PCDH11X: variants seen among roughly 807,000 people sequenced by gnomAD.
PCDH11X encodes protocadherin 11 X-linked.
PCDH11X carries 18 observed loss-of-function variants against 53.3 expected under a neutral mutation model. The ratio of observed to expected loss-of-function variants is 0.34; its 90% CI spans 0.23 to 0.50. The LOEUF (loss-of-function observed/expected upper bound fraction) is 0.50. PCDH11X is among the 20% of genes least tolerant of loss of function. The pLI is 0.98. For missense variants in PCDH11X, 570 were observed against 1,032.4 expected (o/e 0.55, Z 6.14); for synonymous variants, 279 against 393.3 (o/e 0.71, Z 3.44).
At chrX:92,484,118 AGTATATATATGTATATATGTATGT>A (rs1569494424) in intron 10 of PCDH11X, among the ~76,000 whole-genome samples, 1 of 71,870 alleles carries the variant, frequency 1.4e-5, no homozygotes, top group African/African-American at 4.7e-5. Context: ...GTATATATAT[AGTATATATATGTATATATGTATGT>A]ATATATATGT....
At chrX:92,102,069 T>C (rs143069920) in intron 6 of PCDH11X, among the ~76,000 whole-genome samples, 2,565 of 110,312 alleles carry the variant, frequency 0.023, 76 homozygotes, top group African/African-American at 0.081. Context: ...ATCAGGTGGA[T>C]CAGAGAGATA....
At chrX:92,316,228 T>A (rs1489907957) in intron 8 of PCDH11X, among the ~76,000 whole-genome samples, 1 of 109,154 alleles carries the variant, frequency 9.2e-6, no homozygotes, top group Admixed American at 9.9e-5. Context: ...TATAAAACAA[T>A]ATATTTAATG....
At chrX:91,840,218 C>T (rs1268526609) in intron 5 of PCDH11X, among the ~76,000 whole-genome samples, 6 of 111,533 alleles carry the variant, frequency 5.4e-5, no homozygotes, top group Admixed American at 3.9e-4. Flanking sequence ...TTTTTATTTT[C>T]TGCTTCAAAT....
intron 7 of PCDH11X, among the ~76,000 whole-genome samples, chrX:92,222,034 A>T (rs1169943123): frequency 9.0e-6 from 1 of 111,023 alleles, no homozygotes; most frequent in Non-Finnish European, 1.9e-5. Flanking sequence ...GGGTTTCATT[A>T]TGTTGGTCAG....
At chrX:92,203,197 G>T (rs1379799538) in intron 7 of PCDH11X, among the ~76,000 whole-genome samples, 1 of 111,974 alleles carries the variant, frequency 8.9e-6, no homozygotes, top group Non-Finnish European at 1.9e-5. Context: ...TTTGTTATAG[G>T]ATAAATAAAT....
At chrX:91,880,527 C>T (rs972309503) in intron 6 of PCDH11X, among the ~76,000 whole-genome samples, 7 of 111,302 alleles carry the variant, frequency 6.3e-5, no homozygotes, top group South Asian at 3.7e-4. Context: ...CAAGCATAAG[C>T]GCAGTTATAT....
chrX:92,115,574 G>A (rs2064621243), intron 6 of PCDH11X, among the ~76,000 whole-genome samples: 1 of 110,579 alleles, frequency 9.0e-6, no homozygotes, highest in Non-Finnish European at 1.9e-5. Flanking sequence ...GAAGCCAGTA[G>A]TGGCTCATTC....
chrX:92,531,212 GT>G (rs2074548626), intron 10 of PCDH11X, among the ~76,000 whole-genome samples: 2 of 110,931 alleles, frequency 1.8e-5, no homozygotes, highest in South Asian at 7.5e-4. Context: ...AACTCTGTAA[GT>G]AAAACTCTGC....
At chrX:92,202,171 A>T (rs2066402028) in intron 7 of PCDH11X, among the ~76,000 whole-genome samples, 1 of 110,918 alleles carries the variant, frequency 9.0e-6, no homozygotes, top group Admixed American at 9.7e-5. Context: ...TTTTGTTGGG[A>T]TGGGCTCTCC....
chrX:92,176,791 G>A (rs2060480587), intron 6 of PCDH11X, among the ~76,000 whole-genome samples: 1 of 110,857 alleles, frequency 9.0e-6, no homozygotes, highest in Admixed American at 9.7e-5. Context: ...ATACTACAAT[G>A]TCTCTACCTA....
intron 6 of PCDH11X, among the ~76,000 whole-genome samples, chrX:92,115,047 G>A (rs1276296134): frequency 9.1e-6 from 1 of 109,920 alleles, no homozygotes; most frequent in African/African-American, 3.3e-5. Flanking sequence ...GACCTCAGGT[G>A]ATCCGCCCTC....
At chrX:92,580,768 G>A (rs1401294794) in intron 10 of PCDH11X, among the ~76,000 whole-genome samples, 1 of 111,740 alleles carries the variant, frequency 8.9e-6, no homozygotes, top group African/African-American at 3.3e-5. Context: ...CTCATGAAGG[G>A]ATCTCCTGAT....
At chrX:92,380,548 C>T (rs1162531008) in intron 8 of PCDH11X, among the ~76,000 whole-genome samples, 1 of 112,153 alleles carries the variant, frequency 8.9e-6, no homozygotes, top group African/African-American at 3.2e-5. Context: ...GTTTTGAAAA[C>T]CACTTGATAG....
intron 6 of PCDH11X, among the ~76,000 whole-genome samples, chrX:91,993,943 G>A: frequency 1.1e-5 from 1 of 91,059 alleles, no homozygotes; most frequent in Non-Finnish European, 2.2e-5. Flanking sequence ...ACAGCATTTT[G>A]CCAATCATTA....
At chrX:91,907,416 G>C (rs1003042118) in intron 6 of PCDH11X, among the ~76,000 whole-genome samples, 2,049 of 40,387 alleles carry the variant, frequency 0.051, 97 homozygotes, top group African/African-American at 0.12. Flanking sequence ...CACACACAGA[G>C]AGAGAGAGAG....
At chrX:92,452,138 G>C (rs1193522652) in intron 9 of PCDH11X, among the ~76,000 whole-genome samples, 1 of 107,180 alleles carries the variant, frequency 9.3e-6, no homozygotes, top group East Asian at 2.9e-4. Flanking sequence ...AATGCCTTCT[G>C]AGAATATTTA....
intron 6 of PCDH11X, among the ~76,000 whole-genome samples, chrX:92,077,659 AG>A (rs1432772913): frequency 9.3e-6 from 1 of 106,978 alleles, no homozygotes; most frequent in Non-Finnish European, 1.9e-5. Flanking sequence ...GAAGGAAGGA[AG>A]GAAGGAAGGA....
At chrX:92,174,478 T>A (rs1048495109) in intron 6 of PCDH11X, among the ~76,000 whole-genome samples, 1 of 111,291 alleles carries the variant, frequency 9.0e-6, no homozygotes, top group East Asian at 2.8e-4. Context: ...ATGAGTTCAG[T>A]TTTTATTAGG....
chrX:92,418,395 T>C (rs1352869871), intron 9 of PCDH11X, among the ~76,000 whole-genome samples: 1 of 111,128 alleles, frequency 9.0e-6, no homozygotes, highest in Non-Finnish European at 1.9e-5. Flanking sequence ...CTTGACTTTT[T>C]TTCCTAGATA....
Sources: gnomAD v4.1 joint callset for allele counts (sites outside exome capture counted in the v4.1 genomes callset) on GRCh38, gnomAD v4.1.1 for gene constraint, MANE v1.5 for transcripts, NCBI Gene and HGNC (gene_info 2026-07-23, HGNC 2026-07-21) for gene names.